SIPA1L1: variants seen among roughly 807,000 people sequenced by gnomAD.
SIPA1L1 encodes the protein signal-induced proliferation-associated 1-like protein 1.
In SIPA1L1, 26 loss-of-function variants were observed where a neutral mutation model predicts 162.7. The observed-to-expected ratio is 0.16, with a 90% CI of 0.12 to 0.22. The LOEUF (loss-of-function observed/expected upper bound fraction) is 0.22, where lower values mean the gene tolerates loss of function less well. Ranked by LOEUF, SIPA1L1 falls within the 10% of genes least tolerant of loss-of-function variation. The pLI, the probability that SIPA1L1 is intolerant of heterozygous loss-of-function variation, is 1.00. For synonymous variants in SIPA1L1, 829 were observed against 837.4 expected, an observed-to-expected ratio of 0.99 and a Z score of 0.17; for missense variants, 1,874 against 2,241.0, an observed-to-expected ratio of 0.84 and a Z score of 3.31.
intron 7 of SIPA1L1, among the ~76,000 whole-genome samples, chr14:71,631,440 T>C (rs2040563327): frequency 1.3e-5 from 2 of 151,808 alleles, no homozygotes; most frequent in South Asian, 4.2e-4. Flanking sequence ...ATGTGTAGAT[T>C]TAAGTCCTTT....
Position 71,739,285 on chromosome 14 carries a change from T to G in SIPA1L1, c.*124T>G, listed in dbSNP as rs1258506722. 1.2e-6 allele frequency: 1 copy of G among 846,486 alleles called. No homozygotes were observed. The highest frequency in any genetic ancestry group is 1.7e-6 in the Non-Finnish European group (1 of 587,536). The allele number at this position is 846,486 out of a possible 1,614,324, so 52.4% of individuals were successfully genotyped here. A position where few individuals can be genotyped will look rare whatever the true frequency, so the allele number is the denominator to read the frequency against. On this transcript the variant is annotated 3_prime_UTR_variant, in exon 24 of 24. Coordinates refer to ENST00000381232, the MANE Select transcript of SIPA1L1 (RefSeq NM_001386936.1). ...CCCTGGCTTCCTACTCTGCCCCCTT[T>G]CGGGGAGTGCACAACACAATAGTTG...
At chr14:71,479,593 A>T (rs1404221171) in intron 2 of SIPA1L1, among the ~76,000 whole-genome samples, 2 of 151,784 alleles carry the variant, frequency 1.3e-5, no homozygotes, top group African/African-American at 4.9e-5. Flanking sequence ...TTTTAAATAG[A>T]GACAAGGTCT....
rs1477885773 is a variant in SIPA1L1, at chr14:71,419,490, T to TC, written c.-464-93253_-464-93252insC. ...TCAAGGAGGATCTCTCTTTTTTTTT[T>TC]TTTTTTTTTTTTTTTTTTGAGACGG... On this transcript the variant is annotated intron_variant, in intron 2 of 23. Coordinates refer to ENST00000381232, the MANE Select transcript of SIPA1L1 (RefSeq NM_001386936.1). Among the ~76,000 whole-genome samples the TC allele has an allele frequency of 2.3e-5, 3 of 130,706 alleles. No homozygotes were observed. In the East Asian group the frequency reaches 6.6e-4, roughly 29 times the overall value. 85.7% of individuals were successfully genotyped at this position (130,706 alleles called of 152,430 possible). A position where few individuals can be genotyped will look rare whatever the true frequency, so the allele number is the denominator to read the frequency against.
intron 2 of SIPA1L1, among the ~76,000 whole-genome samples, chr14:71,430,731 C>A (rs2140946010): frequency 6.6e-6 from 1 of 152,218 alleles, no homozygotes; most frequent in East Asian, 1.9e-4. Flanking sequence ...GACTCTGCTT[C>A]TTGAGAAACC....
chr14:71,348,715 G>GT (rs1413754758), intron 2 of SIPA1L1, among the ~76,000 whole-genome samples: 1 of 152,152 alleles, frequency 6.6e-6, no homozygotes, highest in Non-Finnish European at 1.5e-5. Context: ...TAAACCCACT[G>GT]TTTAATTTTA....
chr14:71,684,519 T>C (rs2046102586), intron 12 of SIPA1L1, among the ~76,000 whole-genome samples: 1 of 152,264 alleles, frequency 6.6e-6, no homozygotes, highest in Non-Finnish European at 1.5e-5. Flanking sequence ...GTGATGTCGC[T>C]GGTCCAAAGT....
chr14:71,640,157 G>A lies in SIPA1L1; in HGVS notation c.1819-10178G>A, dbSNP rs568336136. ...GATCTCAAGTGATCTGCCCACCTCA[G>A]CCTCCCAAAGTGCTGGGATTACAGG... is the stretch of plus-strand genomic sequence containing the variant. On this transcript the variant is annotated intron_variant, in intron 7 of 23. Transcript: ENST00000381232. 2.6e-5 allele frequency among the ~76,000 whole-genome samples: 4 copies of A among 152,250 alleles called. No homozygotes were observed. In the East Asian group the frequency reaches 7.7e-4, roughly 29 times the overall value.
At position 71,723,880 on chromosome 14, in the gene SIPA1L1, C is replaced by A. The variant is rs753010914; in HGVS notation, c.4442C>A (p.Thr1481Lys). The A allele has an allele frequency of 6.2e-7, 1 of 1,614,126 alleles. No homozygotes were observed. Among genetic ancestry groups the A allele is most frequent in the African/African-American group, 1.3e-5 (1 of 75,040 alleles). ...GTINSVGFMD[T>K]RKRHQSDGNE... is the part of the protein sequence containing the mutation. ...ATAAACTCCGTGGGATTTATGGACA[C>A]GAGAAAGTAAGAGTTACTTTCCTTC... is the stretch of plus-strand genomic sequence containing the variant. The change falls in exon 18 of 24, where the codon ACG becomes AAG. Residue 1481 changes from threonine to lysine, a missense_variant. By Grantham distance (78) the Thr-to-Lys change is moderately conservative (BLOSUM62 -1). Around this residue, in one of 5 missense-constraint regions of SIPA1L1, gnomAD observed 936 missense variants for 1,051.9 expected, o/e 0.89. Transcript: ENST00000381232.
intron 8 of SIPA1L1, 40 bp downstream of exon 8, chr14:71,650,549 C>T (rs2042530952): frequency 6.3e-7 from 1 of 1,586,682 alleles, no homozygotes; most frequent in Non-Finnish European, 8.6e-7. Context: ...CTTATTTTCC[C>T]CCTGTTGTGC....
intron 19 of SIPA1L1, among the ~76,000 whole-genome samples, chr14:71,729,645 C>T (rs996765291): frequency 5.3e-5 from 8 of 152,164 alleles, no homozygotes; most frequent in African/African-American, 1.4e-4. Context: ...TTTGTTTAAT[C>T]CCTGTGGTAA....
intron 7 of SIPA1L1, among the ~76,000 whole-genome samples, chr14:71,640,677 T>G (rs778743452): frequency 2.6e-5 from 4 of 152,194 alleles, no homozygotes; most frequent in African/African-American, 7.2e-5. Flanking sequence ...CAGGCTGGAG[T>G]GCAGTGGTGC....
At chr14:71,622,417 T>G (rs990967601) in intron 6 of SIPA1L1, among the ~76,000 whole-genome samples, 1 of 152,206 alleles carries the variant, frequency 6.6e-6, no homozygotes, top group African/African-American at 2.4e-5. Flanking sequence ...TGAGCCATTC[T>G]TTTTCTCATC....
At chr14:71,551,348 G>A (rs992196122) in intron 4 of SIPA1L1, among the ~76,000 whole-genome samples, 14 of 152,158 alleles carry the variant, frequency 9.2e-5, no homozygotes, top group African/African-American at 1.4e-4. Context: ...AGGCAAACCA[G>A]GATGGCTAGT....
chr14:71,654,411 G>C (rs1338780357), intron 8 of SIPA1L1, among the ~76,000 whole-genome samples: 1 of 152,160 alleles, frequency 6.6e-6, no homozygotes, highest in East Asian at 1.9e-4. Context: ...CTCATTTTTA[G>C]CTACGTACGT....
Position 71,377,019 on chromosome 14 carries a change from T to G in SIPA1L1, c.-465+55838T>G, listed in dbSNP as rs115864839. Among the ~76,000 whole-genome samples the G allele has an allele frequency of 0.017, 2,660 of 152,274 alleles. 82 individuals are homozygous for G. The highest frequency in any genetic ancestry group is 0.061 in the African/African-American group (2,535 of 41,548). Reference sequence around the variant, plus strand: ...CTATTCGACAAAACCACCATCGTCATTATGGCCCGTTCTCAGTGAGCTGTT... The same window carrying G: ...CTATTCGACAAAACCACCATCGTCAGTATGGCCCGTTCTCAGTGAGCTGTT... On this transcript the variant is annotated intron_variant, in intron 2 of 23. Coordinates refer to ENST00000381232, the MANE Select transcript of SIPA1L1 (RefSeq NM_001386936.1). The surrounding 1 kb of genome is among the most constrained non-coding windows in gnomAD (Gnocchi z 4.8).
intron 2 of SIPA1L1, among the ~76,000 whole-genome samples, chr14:71,457,010 A>G (rs978981185): frequency 3.9e-5 from 6 of 152,172 alleles, no homozygotes; most frequent in African/African-American, 1.4e-4. Context: ...TCAAACACCT[A>G]GCCTCAAGCA....
At chr14:71,716,809 G>A (rs2083303735) in intron 17 of SIPA1L1, among the ~76,000 whole-genome samples, 1 of 152,176 alleles carries the variant, frequency 6.6e-6, no homozygotes, top group Non-Finnish European at 1.5e-5. Context: ...AAATCACCAG[G>A]TTGCTGTACA....
At chr14:71,578,178 G>C (rs1596240049) in intron 4 of SIPA1L1, among the ~76,000 whole-genome samples, 1 of 152,168 alleles carries the variant, frequency 6.6e-6, no homozygotes, top group East Asian at 1.9e-4. Context: ...CAAAGTGCTG[G>C]GATTACAGGC....
At chr14:71,705,004 A>G (rs1033608495) in intron 15 of SIPA1L1, 5 of 612,394 alleles carry the variant, frequency 8.2e-6, no homozygotes, top group Middle Eastern at 3.4e-4. Context: ...GCTAATGTGT[A>G]TGACGTGACA....
Sources: gnomAD v4.1 joint callset for allele counts (sites outside exome capture counted in the v4.1 genomes callset) on GRCh38, gnomAD v4.1.1 for gene constraint, gnomAD v4.1.1 regional missense constraint, Gnocchi (gnomAD v3.1) non-coding constraint, MANE v1.5 for transcripts, NCBI Gene and HGNC (gene_info 2026-07-23, HGNC 2026-07-21) for gene names.